Variants in FGGY observed in about 807,000 individuals in gnomAD.
FGGY encodes the protein FGGY carbohydrate kinase domain containing, also known as FGGY carbohydrate kinase domain-containing protein.
FGGY carries 72 observed loss-of-function variants against 71.3 expected under a neutral mutation model. That is an observed-to-expected ratio of 1.01 (90% CI 0.84 to 1.23). The LOEUF (loss-of-function observed/expected upper bound fraction) is 1.23. Among genes scored for constraint, FGGY ranks in the 50% most tolerant of loss-of-function variants. FGGY has a pLI of 0.00. For synonymous variants in FGGY, 251 were observed against 250.3 expected (o/e 1.00, Z -0.02); for missense variants, 668 against 682.3 (o/e 0.98, Z 0.23).
At chr1:59,715,022 C>G (rs2097833348) in intron 14 of FGGY, among the ~76,000 whole-genome samples, 1 of 152,148 alleles carries the variant, frequency 6.6e-6, no homozygotes, top group African/African-American at 2.4e-5. Flanking sequence ...TCTGGATGCC[C>G]TTTGTTTCCC....
At chr1:59,328,497 A>C (rs1012513859) in intron 2 of FGGY, among the ~76,000 whole-genome samples, 3 of 152,166 alleles carry the variant, frequency 2.0e-5, no homozygotes, top group Admixed American at 6.5e-5. Flanking sequence ...TTGATCTTCT[A>C]TCTAGACCAC....
At chr1:59,655,337 T>A (rs1357408376) in intron 11 of FGGY, among the ~76,000 whole-genome samples, 1 of 152,230 alleles carries the variant, frequency 6.6e-6, no homozygotes, top group Non-Finnish European at 1.5e-5. Flanking sequence ...GGTATACATG[T>A]GCCATGGTGG....
chr1:59,610,850 A>C (rs1477513135), intron 9 of FGGY, among the ~76,000 whole-genome samples: 1 of 152,236 alleles, frequency 6.6e-6, no homozygotes, highest in Non-Finnish European at 1.5e-5. Flanking sequence ...AGCAAACGGC[A>C]CACCAGGAGA....
At chr1:59,353,992 T>C (rs1036383781) in intron 4 of FGGY, among the ~76,000 whole-genome samples, 3 of 152,242 alleles carry the variant, frequency 2.0e-5, no homozygotes, top group African/African-American at 7.2e-5. Flanking sequence ...TATGTAGTGC[T>C]TGTTAATACA....
chr1:59,624,226 T>G (rs1211219458), intron 9 of FGGY, among the ~76,000 whole-genome samples: 1 of 152,154 alleles, frequency 6.6e-6, no homozygotes, highest in East Asian at 1.9e-4. Flanking sequence ...ACCTGGAAGT[T>G]CAGTAGACAA....
rs186149769 is a variant in FGGY, at chr1:59,372,992, A to C, written c.466-5757A>C. ...AAAACTGGAAGCATTCCATTTGAAA[A>C]CTGGCACAAGACAGGGATGCCCTCT... On this transcript the variant is annotated intron_variant, in intron 4 of 15. Coordinates refer to ENST00000303721, the MANE Select transcript of FGGY (RefSeq NM_018291.5). Among the ~76,000 whole-genome samples the C allele has an allele frequency of 3.9e-5, 6 of 152,292 alleles. No homozygotes were observed. The East Asian group carries it at 9.6e-4, about 24-fold the overall frequency.
intron 8 of FGGY, among the ~76,000 whole-genome samples, chr1:59,603,853 A>G (rs990923871): frequency 1.3e-5 from 2 of 152,220 alleles, no homozygotes; most frequent in Admixed American, 1.3e-4. Flanking sequence ...AAAACAGATG[A>G]AAGACTCAAA....
intron 8 of FGGY, among the ~76,000 whole-genome samples, chr1:59,591,748 G>A (rs2096444219): frequency 1.3e-5 from 2 of 152,178 alleles, no homozygotes; most frequent in East Asian, 1.9e-4. Flanking sequence ...GTAGAAAGCT[G>A]AAACTGGATT....
chr1:59,366,221 G>GT (rs1421622847), intron 4 of FGGY, among the ~76,000 whole-genome samples: 2 of 152,130 alleles, frequency 1.3e-5, no homozygotes, highest in African/African-American at 4.8e-5. Flanking sequence ...TATAAATCCA[G>GT]TTTTTGAAAA....
At chr1:59,487,130 A>G (rs754940375) in intron 6 of FGGY, among the ~76,000 whole-genome samples, 5 of 152,206 alleles carry the variant, frequency 3.3e-5, no homozygotes, top group Admixed American at 6.5e-5. Flanking sequence ...AAAAGGAGAT[A>G]TTCACACTAA....
chr1:59,629,577 G>A (rs576641339), intron 10 of FGGY, among the ~76,000 whole-genome samples: 5 of 152,198 alleles, frequency 3.3e-5, no homozygotes, highest in Admixed American at 2.0e-4. Context: ...TCCTAATTTC[G>A]GATCATCAAT....
chr1:59,350,542 G>T (rs2053067140), intron 4 of FGGY, among the ~76,000 whole-genome samples: 1 of 152,142 alleles, frequency 6.6e-6, no homozygotes, highest in Non-Finnish European at 1.5e-5. Flanking sequence ...GAGTCCCAGG[G>T]CATGAGCTGG....
At chr1:59,501,665 C>T (rs548798150) in intron 6 of FGGY, among the ~76,000 whole-genome samples, 5 of 152,192 alleles carry the variant, frequency 3.3e-5, no homozygotes, top group African/African-American at 9.7e-5. Flanking sequence ...TAAAATAACT[C>T]TAAAGAGAAC....
chr1:59,698,885 T>C, intron 14 of FGGY: 1 of 985,436 alleles, frequency 1.0e-6, no homozygotes, highest in Non-Finnish European at 1.2e-6. Flanking sequence ...ATTGTACATG[T>C]CGTATGTTTT....
At chr1:59,372,728 A>G (rs535869093) in intron 4 of FGGY, among the ~76,000 whole-genome samples, 2 of 152,364 alleles carry the variant, frequency 1.3e-5, no homozygotes, top group East Asian at 3.9e-4. Flanking sequence ...AGTGGCCGTC[A>G]TCCCTGGGAT....
At chr1:59,524,501 C>T (rs2094922758) in intron 7 of FGGY, among the ~76,000 whole-genome samples, 1 of 152,162 alleles carries the variant, frequency 6.6e-6, no homozygotes, top group African/African-American at 2.4e-5. Flanking sequence ...TTTCTGGGTC[C>T]ACCCATGGCT....
intron 6 of FGGY, among the ~76,000 whole-genome samples, chr1:59,478,924 G>C (rs544339874): frequency 2.0e-5 from 3 of 152,292 alleles, no homozygotes; most frequent in African/African-American, 7.2e-5. Context: ...AGGGAGATAA[G>C]GACTGGACAC....
intron 5 of FGGY, among the ~76,000 whole-genome samples, chr1:59,443,223 G>T (rs1263421754): frequency 6.6e-6 from 1 of 152,032 alleles, no homozygotes; most frequent in Non-Finnish European, 1.5e-5. Context: ...TTATATTGAA[G>T]AATATTCTCA....
chr1:59,701,393 A>G (rs1177446072), intron 14 of FGGY, among the ~76,000 whole-genome samples: 5 of 152,172 alleles, frequency 3.3e-5, no homozygotes, highest in Non-Finnish European at 2.9e-5. Context: ...AGCTTATGTC[A>G]TAATCATTCT....
Sources: allele counts gnomAD v4.1 joint callset (sites outside exome capture counted in the v4.1 genomes callset), GRCh38; gene constraint gnomAD v4.1.1; transcripts MANE v1.5; gene names NCBI Gene and HGNC (gene_info 2026-07-23, HGNC 2026-07-21).